The following PARVA variants were observed in gnomAD, a reference collection of about 807,000 sequenced individuals.
The protein encoded by PARVA is parvin alpha, also known as alpha-parvin.
Under a neutral mutation model 52.6 loss-of-function variants are expected in PARVA, and 25 were observed. The observed-to-expected ratio is 0.48, with a 90% confidence interval of 0.35 to 0.66. The LOEUF is 0.66. PARVA is among the 30% of genes least tolerant of loss of function. PARVA has a pLI of 0.01. For missense variants in PARVA, 373 were observed against 450.9 expected, an observed-to-expected ratio of 0.83 and a Z score of 1.56; for synonymous variants, 185 against 179.1, an observed-to-expected ratio of 1.03 and a Z score of -0.26.
At chr11:12,525,289 T>C (rs1941686381) in intron 12 of PARVA, among the ~76,000 whole-genome samples, 1 of 152,176 alleles carries the variant, frequency 6.6e-6, no homozygotes, top group South Asian at 2.1e-4. Flanking sequence ...TTGCAGTCCA[T>C]GACAGTGGTG....
At chr11:12,461,114 T>G (rs989014494) in intron 1 of PARVA, among the ~76,000 whole-genome samples, 4 of 152,144 alleles carry the variant, frequency 2.6e-5, no homozygotes, top group Non-Finnish European at 4.4e-5. Flanking sequence ...GCCAACAAGG[T>G]GGCTGCCCTT....
intron 10 of PARVA, 121 bp from the exon 11 acceptor site, chr11:12,517,489 G>T: frequency 1.4e-6 from 1 of 730,180 alleles, no homozygotes; most frequent in South Asian, 1.6e-5. Flanking sequence ...CTACCCCCGA[G>T]CTAGCAGCCT....
intron 7 of PARVA, among the ~76,000 whole-genome samples, chr11:12,509,629 G>T (rs1186691759): frequency 6.6e-6 from 1 of 152,210 alleles, no homozygotes; most frequent in Non-Finnish European, 1.5e-5. Context: ...GCTTAACAAG[G>T]ACTAAGGGGC....
chr11:12,402,841 C>A (rs935445789), intron 1 of PARVA, among the ~76,000 whole-genome samples: 1 of 152,218 alleles, frequency 6.6e-6, no homozygotes, highest in African/African-American at 2.4e-5. Flanking sequence ...AAGTTGAATG[C>A]CTTTCTCATT....
chr11:12,489,660 T>C (rs1225824902), intron 4 of PARVA, among the ~76,000 whole-genome samples: 1 of 151,032 alleles, frequency 6.6e-6, no homozygotes, highest in Admixed American at 6.6e-5. Context: ...ATAGTATAAG[T>C]AGTGACAAAT....
chr11:12,518,875 G>A (rs377370478), intron 12 of PARVA, among the ~76,000 whole-genome samples: 15 of 152,316 alleles, frequency 9.8e-5, no homozygotes, highest in African/African-American at 2.4e-4. Context: ...AAGGTGCAGC[G>A]CAGACAGTTC....
chr11:12,404,161 G>A (rs1486157982), intron 1 of PARVA, among the ~76,000 whole-genome samples: 1 of 151,426 alleles, frequency 6.6e-6, no homozygotes, highest in Non-Finnish European at 1.5e-5. Context: ...CAGGACCTCA[G>A]TAGTATGGCC....
intron 7 of PARVA, among the ~76,000 whole-genome samples, chr11:12,510,482 G>A (rs1941490679): frequency 6.6e-6 from 1 of 152,182 alleles, no homozygotes; most frequent in African/African-American, 2.4e-5. Context: ...GAGACCTGGT[G>A]CCCAGAAAGG....
intron 12 of PARVA, among the ~76,000 whole-genome samples, chr11:12,524,721 A>AT (rs1035451791): frequency 6.2e-4 from 95 of 152,166 alleles, no homozygotes; most frequent in Admixed American, 4.4e-3. Context: ...CCTCTCTGGA[A>AT]TTTTTTTCCT....
chr11:12,411,174 A>G (rs1391000513), intron 1 of PARVA, among the ~76,000 whole-genome samples: 1 of 152,264 alleles, frequency 6.6e-6, no homozygotes, highest in African/African-American at 2.4e-5. Flanking sequence ...TGGATGAACA[A>G]AGGATTTTTA....
chr11:12,448,268 C>T (rs1940574605), intron 1 of PARVA, among the ~76,000 whole-genome samples: 1 of 152,178 alleles, frequency 6.6e-6, no homozygotes. Context: ...ACTAGGATTG[C>T]TGGCCTGCAC....
Position 12,382,278 on chromosome 11 carries a change from TCTAA to T in PARVA, c.136+4498_136+4501del, listed in dbSNP as rs111781902. On this transcript the variant is annotated intron_variant, in intron 1 of 12. Coordinates refer to ENST00000334956, the MANE Select transcript of PARVA (RefSeq NM_018222.5). ...TGTACATTTTGACATTTCGATAAGTTCTAACTGTTTGTAATAGATTTGTTTATAT... is the reference window on the plus strand; with the variant it reads ...TGTACATTTTGACATTTCGATAAGTTCTGTTTGTAATAGATTTGTTTATAT... 8.1e-3 allele frequency among the ~76,000 whole-genome samples: 1,240 copies of T among 152,308 alleles called. 16 individuals are homozygous for T. The highest frequency in any genetic ancestry group is 0.027 in the African/African-American group (1,138 of 41,570).
intron 8 of PARVA, 143 bp from the exon 9 acceptor site, chr11:12,513,156 T>A (rs1176704822): frequency 5.2e-6 from 4 of 772,696 alleles, no homozygotes; most frequent in Admixed American, 3.5e-5. Flanking sequence ...ATTCCAGAGT[T>A]CCCGGCACAG....
At chr11:12,491,324 C>T (rs1447411056) in intron 4 of PARVA, among the ~76,000 whole-genome samples, 1 of 152,080 alleles carries the variant, frequency 6.6e-6, no homozygotes, top group Non-Finnish European at 1.5e-5. Flanking sequence ...GCCACCATGC[C>T]CAGCTAAGTA....
At chr11:12,441,799 G>C (rs1338856907) in intron 1 of PARVA, among the ~76,000 whole-genome samples, 2 of 152,162 alleles carry the variant, frequency 1.3e-5, no homozygotes, top group East Asian at 1.9e-4. Flanking sequence ...CCCTGCTGCT[G>C]TTAGCTCTTT....
At chr11:12,505,616 G>A (rs11825914) in intron 6 of PARVA, among the ~76,000 whole-genome samples, 3,678 of 152,314 alleles carry the variant, frequency 0.024, 142 homozygotes, top group African/African-American at 0.083. Flanking sequence ...GGGAATGTGT[G>A]TGGCTCAGAT....
intron 1 of PARVA, among the ~76,000 whole-genome samples, chr11:12,411,343 A>G (rs183995864): frequency 2.6e-5 from 4 of 152,328 alleles, no homozygotes; most frequent in Admixed American, 2.6e-4. Context: ...TAGGCCCTGT[A>G]CCCAGTTCCC....
chr11:12,498,288 G>A (rs543552624), intron 5 of PARVA, among the ~76,000 whole-genome samples: 108 of 152,216 alleles, frequency 7.1e-4, no homozygotes, highest in Non-Finnish European at 1.1e-3. Context: ...CACCCGCCTC[G>A]GCCTCCCAAA....
chr11:12,382,519 GTGT>G (rs1228663318), intron 1 of PARVA, among the ~76,000 whole-genome samples: 2 of 151,822 alleles, frequency 1.3e-5, no homozygotes, highest in African/African-American at 4.8e-5. Context: ...GTTCAAACCT[GTGT>G]TGTTCAAGGA....
Sources: gnomAD v4.1 joint callset for allele counts (sites outside exome capture counted in the v4.1 genomes callset) on GRCh38, gnomAD v4.1.1 for gene constraint, MANE v1.5 for transcripts, NCBI Gene and HGNC (gene_info 2026-07-23, HGNC 2026-07-21) for gene names.